Variants in RARB observed in about 807,000 individuals in gnomAD.
The protein encoded by RARB is retinoic acid receptor beta, also known as HBV-activated protein.
A neutral mutation model predicts 51.9 loss-of-function variants in RARB; 17 were observed. The observed-to-expected ratio is 0.33, with a 90% confidence interval of 0.22 to 0.49. The LOEUF is 0.49. Among genes scored for constraint, RARB ranks in the 20% least tolerant of loss-of-function variants. The pLI, the probability that RARB is intolerant of heterozygous loss-of-function variation, is 0.99. For missense variants in RARB, 369 were observed against 550.8 expected (o/e 0.67, Z 3.30); for synonymous variants, 215 against 195.4 (o/e 1.10, Z -0.84).
intron 2 of RARB, among the ~76,000 whole-genome samples, chr3:24,882,863 C>A (rs1481285169): frequency 1.3e-5 from 2 of 152,264 alleles, no homozygotes; most frequent in East Asian, 3.9e-4. Context: ...TTGATGAAGG[C>A]ATATATGACA....
At chr3:25,499,631 GT>G (rs1697195002) in intron 2 of RARB, among the ~76,000 whole-genome samples, 1 of 147,054 alleles carries the variant, frequency 6.8e-6, no homozygotes, top group African/African-American at 2.6e-5. Context: ...TTTTCAAAAA[GT>G]TAAAAAGCAA....
Position 24,958,923 on chromosome 3 carries a change from C to A in RARB, c.-380+100171C>A, listed in dbSNP as rs770810754. Reference sequence around the variant, plus strand: ...AGGAGTGCCTTGCTTACTCAGCCCGCAGCTCTCAAACCCTTGTGGGAGGGG... The same window carrying A: ...AGGAGTGCCTTGCTTACTCAGCCCGAAGCTCTCAAACCCTTGTGGGAGGGG... On this transcript the variant is annotated intron_variant, in intron 2 of 11. Coordinates refer to the RARB transcript ENST00000383772. 5.3e-5 allele frequency among the ~76,000 whole-genome samples: 8 copies of A among 152,184 alleles called. No individual in the cohort carries two copies. The East Asian group carries it at 5.8e-4, about 11-fold the overall frequency.
At chr3:25,254,691 G>A (rs1218861529) in intron 5 of RARB, among the ~76,000 whole-genome samples, 2 of 152,052 alleles carry the variant, frequency 1.3e-5, no homozygotes, top group Non-Finnish European at 2.9e-5. Context: ...GAGAGGGAGG[G>A]TGCTGGATGA....
intron 2 of RARB, among the ~76,000 whole-genome samples, chr3:24,952,884 G>C (rs186794197): frequency 0.027 from 3,280 of 122,768 alleles, 116 homozygotes; most frequent in African/African-American, 0.099. Context: ...TATTTTTTTT[G>C]TTTGTTTGTT....
chr3:25,488,438 A>G (rs950051014), intron 2 of RARB, among the ~76,000 whole-genome samples: 1 of 152,188 alleles, frequency 6.6e-6, no homozygotes, highest in African/African-American at 2.4e-5. Flanking sequence ...CTCCTAAGTT[A>G]TCTCTTTTGT....
intron 1 of RARB, among the ~76,000 whole-genome samples, chr3:25,443,817 G>C (rs1356211343): frequency 6.6e-6 from 1 of 151,674 alleles, no homozygotes; most frequent in Admixed American, 6.6e-5. Flanking sequence ...TGTAATCCCA[G>C]CTACTCGGGA....
At chr3:24,964,696 C>G (rs28532700) in intron 2 of RARB, among the ~76,000 whole-genome samples, 73,199 of 151,944 alleles carry the variant, frequency 0.48, 18,073 homozygotes, top group Admixed American at 0.59. Context: ...ATTGACTAAT[C>G]TGATGATTTT....
intron 2 of RARB, among the ~76,000 whole-genome samples, chr3:25,470,684 G>A (rs1381871999): frequency 6.6e-6 from 1 of 152,160 alleles, no homozygotes; most frequent in Non-Finnish European, 1.5e-5. Flanking sequence ...GGATATTAAA[G>A]ACACTCAAAA....
At chr3:25,138,497 C>G (rs142775079) in intron 4 of RARB, among the ~76,000 whole-genome samples, 1 of 151,984 alleles carries the variant, frequency 6.6e-6, no homozygotes, top group Non-Finnish European at 1.5e-5. Flanking sequence ...TTGCCTTTTA[C>G]TGTTTCTATT....
chr3:25,535,366 G>A (rs1216533468), intron 3 of RARB, among the ~76,000 whole-genome samples: 3 of 151,590 alleles, frequency 2.0e-5, no homozygotes, highest in African/African-American at 7.3e-5. Context: ...TGCTGGCCAT[G>A]GGACATCGGG....
intron 5 of RARB, chr3:25,324,684 G>A: frequency 6.3e-6 from 1 of 159,954 alleles, no homozygotes. Context: ...GGAACATCTG[G>A]AAGCCCCAGA....
At chr3:25,591,987 A>C (rs187230994) in intron 5 of RARB, among the ~76,000 whole-genome samples, 6 of 152,286 alleles carry the variant, frequency 3.9e-5, no homozygotes, top group Admixed American at 1.3e-4. Context: ...GCTCTTGTGG[A>C]TCCACCACCA....
intron 2 of RARB, among the ~76,000 whole-genome samples, chr3:24,963,891 A>G (rs77055847): frequency 2.1e-5 from 3 of 139,898 alleles, no homozygotes; most frequent in African/African-American, 4.9e-5. Context: ...ATTTTGGTAG[A>G]AAAAAAAACT....
At chr3:25,037,410 C>A (rs957368279) in intron 2 of RARB, among the ~76,000 whole-genome samples, 1 of 152,004 alleles carries the variant, frequency 6.6e-6, no homozygotes. Flanking sequence ...AAGAGCTAAG[C>A]ACAGAAGTGA....
At chr3:24,922,039 G>T (rs779130808) in intron 2 of RARB, among the ~76,000 whole-genome samples, 21 of 152,158 alleles carry the variant, frequency 1.4e-4, no homozygotes, top group Non-Finnish European at 2.5e-4. Flanking sequence ...CTAGACCCTT[G>T]GGGCTAAGGC....
At chr3:25,280,261 G>C (rs887771854) in intron 5 of RARB, among the ~76,000 whole-genome samples, 4 of 152,144 alleles carry the variant, frequency 2.6e-5, no homozygotes, top group Non-Finnish European at 4.4e-5. Context: ...TCTTTTCTCT[G>C]ACCCTGTGTC....
intron 5 of RARB, among the ~76,000 whole-genome samples, chr3:25,389,304 A>G (rs1049367414): frequency 6.6e-6 from 1 of 152,150 alleles, no homozygotes; most frequent in Non-Finnish European, 1.5e-5. Flanking sequence ...GCATTAGTGT[A>G]CATTGCTGTG....
chr3:25,213,643 C>A (rs894429956), intron 5 of RARB, among the ~76,000 whole-genome samples: 3 of 152,150 alleles, frequency 2.0e-5, no homozygotes, highest in African/African-American at 7.2e-5. Context: ...TGAACAATTT[C>A]CTTAAGCCCA....
Position 24,907,995 on chromosome 3 carries a change from C to G in RARB, c.-380+49243C>G, listed in dbSNP as rs114853774. Among the ~76,000 whole-genome samples the G allele has an allele frequency of 9.1e-3, 1,389 of 152,144 alleles. 23 individuals are homozygous for G. Among genetic ancestry groups the G allele is most frequent in the African/African-American group, 0.032 (1,326 of 41,502 alleles). Reference sequence around the variant, plus strand: ...AAATCTTACTGGTTAATGAAGGTCACCGGAGTGAGGGGGTTTTGTTATCTT... The same window carrying G: ...AAATCTTACTGGTTAATGAAGGTCAGCGGAGTGAGGGGGTTTTGTTATCTT... On this transcript the variant is annotated intron_variant, in intron 2 of 11. Coordinates refer to the RARB transcript ENST00000383772.
Sources: gnomAD v4.1 joint callset for allele counts (sites outside exome capture counted in the v4.1 genomes callset) on GRCh38, gnomAD v4.1.1 for gene constraint, MANE v1.5 for transcripts, NCBI Gene and HGNC (gene_info 2026-07-23, HGNC 2026-07-21) for gene names.